Variants in NF1 observed in about 807,000 individuals in gnomAD.
The protein encoded by NF1 is neurofibromin.
NF1 carries 122 observed loss-of-function variants against 325.7 expected under a neutral mutation model. The observed-to-expected ratio is 0.37, with a 90% CI of 0.32 to 0.44. The LOEUF (loss-of-function observed/expected upper bound fraction) is 0.44. Among genes scored for constraint, NF1 ranks in the 20% least tolerant of loss-of-function variants. The probability of loss-of-function intolerance (pLI) is 1.00; values close to 1 mark genes in which losing one functional copy is unlikely to be tolerated. For synonymous variants in NF1, 1,091 were observed against 1,186.0 expected (o/e 0.92, Z 1.65); for missense variants, 2,140 against 3,415.4 (o/e 0.63, Z 9.31).
intron 36 of NF1, chr17:31,313,874 A>G: frequency 2.5e-6 from 1 of 392,850 alleles, no homozygotes; most frequent in Non-Finnish European, 4.5e-6. Context: ...CCTGTTATAG[A>G]CATCTTTAGA....
In NF1 at chr17:31,214,482, T is replaced by A. The variant is rs2143959067; in HGVS notation, c.1424T>A (p.Leu475His). ...ACATTTAAAGAAAAAGTAACAAGCC[T>A]TAAATTTAAAGAAAAACCTACAGAC... Reference protein sequence around the residue: ...SLTFKEKVTSLKFKEKPTDLE... With the variant: ...SLTFKEKVTSHKFKEKPTDLE... The change falls in exon 13 of 58, where the codon CTT (leucine) becomes CAT (histidine). Residue 475 changes from leucine to histidine, a missense_variant. This residue lies in a region of NF1 where 179 missense variants were observed against 381.0 expected (regional missense o/e 0.47). Transcript: ENST00000358273. 6.2e-7 allele frequency: 1 copy of A among 1,606,546 alleles called. No individual in the cohort carries two copies. Among genetic ancestry groups the A allele is most frequent in the Non-Finnish European group, 8.5e-7 (1 of 1,174,618 alleles).
chr17:31,316,102 T>C (rs1020842753), intron 36 of NF1, among the ~76,000 whole-genome samples: 2 of 152,136 alleles, frequency 1.3e-5, no homozygotes, highest in Non-Finnish European at 2.9e-5. Context: ...GCTCTTACTT[T>C]GTTGTGCAGG....
At chr17:31,335,298 T>TATATATA (rs1378688067) in intron 40 of NF1, among the ~76,000 whole-genome samples, 5 of 2,118 alleles carry the variant, frequency 2.4e-3, no homozygotes, top group Admixed American at 6.6e-3. Context: ...ATATATATAA[T>TATATATA]TATGCCTTGA....
intron 36 of NF1, among the ~76,000 whole-genome samples, chr17:31,283,544 C>T (rs1354432201): frequency 1.3e-5 from 2 of 152,042 alleles, no homozygotes; most frequent in East Asian, 3.9e-4. Context: ...GCCTCAGCCT[C>T]CCTGGGCTCA....
intron 36 of NF1, among the ~76,000 whole-genome samples, chr17:31,270,770 G>C (rs1191845364): frequency 6.6e-6 from 1 of 152,134 alleles, no homozygotes; most frequent in East Asian, 1.9e-4. Flanking sequence ...TCAGGAAACT[G>C]TGCATATTAC....
chr17:31,256,702 GTA>G (rs1416260552), intron 31 of NF1, among the ~76,000 whole-genome samples: 1 of 152,140 alleles, frequency 6.6e-6, no homozygotes, highest in East Asian at 1.9e-4. Flanking sequence ...AATTCTAAAT[GTA>G]TATATTTGAG....
chr17:31,246,747 T>C (rs1396392182), intron 29 of NF1, among the ~76,000 whole-genome samples: 1 of 152,174 alleles, frequency 6.6e-6, no homozygotes, highest in Non-Finnish European at 1.5e-5. Flanking sequence ...TCCTGTATTA[T>C]TGATGAGAAA....
chr17:31,330,479 T>C lies in NF1; in HGVS notation c.5793T>C (p.Ile1931=), dbSNP rs779114598. The C allele has an allele frequency of 5.1e-5, 83 of 1,612,726 alleles. No homozygotes were observed. The highest frequency in any genetic ancestry group is 6.9e-5 in the Non-Finnish European group (81 of 1,178,908). The change falls in exon 39 of 58, where the codon ATT becomes ATC. Residue 1931 remains isoleucine (I), a synonymous_variant. Transcript: ENST00000358273. Reference sequence around the variant, plus strand: ...CGTTAGAATTTTTGGAAGAGTGTATTTCTGGATTTAGCAAATCTAGTAAGT... The same window carrying C: ...CGTTAGAATTTTTGGAAGAGTGTATCTCTGGATTTAGCAAATCTAGTAAGT... ...HLTLEFLEEC[I]SGFSKSSIEL...
chr17:31,288,823 C>T (rs983826056), intron 36 of NF1, among the ~76,000 whole-genome samples: 3 of 152,144 alleles, frequency 2.0e-5, no homozygotes, highest in Admixed American at 2.0e-4. Flanking sequence ...GCCATGGTGC[C>T]TGGCCCAGAA....
chr17:31,185,734 C>G (rs2066226438), intron 8 of NF1, among the ~76,000 whole-genome samples: 1 of 152,136 alleles, frequency 6.6e-6, no homozygotes, highest in Non-Finnish European at 1.5e-5. Context: ...GAGTGGGGTC[C>G]AGAACAGGAG....
chr17:31,258,284 G>A, intron 31 of NF1, 60 bp from the exon 32 acceptor site: 2 of 1,591,690 alleles, frequency 1.3e-6, no homozygotes, highest in East Asian at 2.2e-5. Context: ...TGAACTCTTT[G>A]TTTTCATGTC....
intron 1 of NF1, among the ~76,000 whole-genome samples, chr17:31,125,558 T>TG (rs1326529495): frequency 6.6e-6 from 1 of 151,914 alleles, no homozygotes; most frequent in Non-Finnish European, 1.5e-5. Flanking sequence ...TTTTTTGAGA[T>TG]GGAGTTTCTC....
chr17:31,211,899 CT>C, intron 12 of NF1, among the ~76,000 whole-genome samples: 1 of 152,048 alleles, frequency 6.6e-6, no homozygotes, highest in Non-Finnish European at 1.5e-5. Flanking sequence ...ACTTTTAATA[CT>C]TTTGCATTTT....
At chr17:31,347,746 GA>G (rs2070033433) in intron 48 of NF1, among the ~76,000 whole-genome samples, 1 of 146,996 alleles carries the variant, frequency 6.8e-6, no homozygotes, top group Non-Finnish European at 1.5e-5. Context: ...CTTACTTTCT[GA>G]AGATGTCCCA....
intron 30 of NF1, chr17:31,250,104 A>G (rs1597736294): frequency 2.3e-6 from 1 of 442,056 alleles, no homozygotes; most frequent in Non-Finnish European, 4.4e-6. Flanking sequence ...TATCTGTTCT[A>G]TCTGTAAAAA....
intron 51 of NF1, among the ~76,000 whole-genome samples, chr17:31,353,987 T>TA (rs1371705232): frequency 6.6e-6 from 1 of 152,230 alleles, no homozygotes; most frequent in Non-Finnish European, 1.5e-5. Flanking sequence ...TTGCCATAAA[T>TA]AATCATTTAG....
intron 47 of NF1, 31 bp downstream of exon 47, chr17:31,340,676 T>A (rs1331975061): frequency 1.9e-6 from 3 of 1,607,570 alleles, no homozygotes; most frequent in Non-Finnish European, 1.7e-6. Context: ...GGTTCCTAGA[T>A]TACTCAAATT....
At chr17:31,330,245 A>T in intron 38 of NF1, 51 bp from the exon 39 acceptor site, 1 of 1,552,856 alleles carries the variant, frequency 6.4e-7, no homozygotes, top group Non-Finnish European at 8.9e-7. Flanking sequence ...AAATTTTGGA[A>T]CTATAAGGAA....
intron 1 of NF1, among the ~76,000 whole-genome samples, chr17:31,150,752 C>T (rs1916874564): frequency 6.6e-6 from 1 of 152,104 alleles, no homozygotes; most frequent in African/African-American, 2.4e-5. Flanking sequence ...GATGCTCCGG[C>T]TGGGCACGGT....
Sources: gnomAD v4.1 joint callset for allele counts (sites outside exome capture counted in the v4.1 genomes callset) on GRCh38, gnomAD v4.1.1 for gene constraint, gnomAD v4.1.1 regional missense constraint, MANE v1.5 for transcripts, NCBI Gene and HGNC (gene_info 2026-07-23, HGNC 2026-07-21) for gene names.